INTS10: variants seen among roughly 807,000 people sequenced by gnomAD.
INTS10 encodes the protein chromosome 8 open reading frame 35.
Under a neutral mutation model 94.4 loss-of-function variants are expected in INTS10, and 44 were observed. That is an observed-to-expected ratio of 0.47 (90% CI 0.37 to 0.60). The LOEUF (loss-of-function observed/expected upper bound fraction) is 0.60, where lower values mean the gene tolerates loss of function less well. Among genes scored for constraint, INTS10 ranks in the 20% least tolerant of loss-of-function variants. The pLI is 0.00. For missense variants in INTS10, 797 were observed against 868.7 expected (o/e 0.92, Z 1.04); for synonymous variants, 341 against 320.7 (o/e 1.06, Z -0.68).
chr8:19,843,071 C>T lies in INTS10; in HGVS notation c.1719+144C>T, dbSNP rs2068268488. On this transcript the variant is annotated intron_variant, in intron 14 of 16. Transcript: ENST00000397977. This position sits in a 1 kb window ranked among gnomAD's most constrained non-coding sequence, Gnocchi z 4.7. ...AACAGTTAGAAAAGCACATGGGCTACTAATTAACAAATCTATATTAAATAA... is the reference window on the plus strand; with the variant it reads ...AACAGTTAGAAAAGCACATGGGCTATTAATTAACAAATCTATATTAAATAA... 1 of 612,182 alleles carries T rather than the reference C, an allele frequency of 1.6e-6. No homozygotes were observed. The highest frequency in any genetic ancestry group is 2.7e-5 in the East Asian group (1 of 36,402). 37.9% of individuals were successfully genotyped at this position (612,182 alleles called of 1,614,324 possible).
Position 19,849,237 on chromosome 8 carries a change from C to A in INTS10, c.1977-2412C>A. The A allele has an allele frequency of 7.8e-7, 1 of 1,287,952 alleles. No individual in the cohort carries two copies. The highest frequency in any genetic ancestry group is 1.0e-6 in the Non-Finnish European group (1 of 987,290). 79.8% of individuals were successfully genotyped at this position (1,287,952 alleles called of 1,614,324 possible). A position where few individuals can be genotyped will look rare whatever the true frequency, so the allele number is the denominator to read the frequency against. On this transcript the variant is annotated intron_variant, in intron 16 of 16. Coordinates refer to ENST00000397977, the MANE Select transcript of INTS10 (RefSeq NM_018142.4). This position sits in a 1 kb window ranked among gnomAD's most constrained non-coding sequence, Gnocchi z 4.6. ...TTCAGCCCAGCATACAGACTGCTGA[C>A]AGGTACCAAGTGGAATCAACGCCCG...
In INTS10 at chr8:19,824,850, T is replaced by G; in HGVS notation, c.884T>G (p.Met295Arg). Residue 295 changes from methionine to arginine, a missense_variant, in exon 8 of 17, where the codon ATG (methionine) becomes AGG (arginine). Transcript: ENST00000397977. ...AGAATGAAGGATCTCTGCAGATACA[T>G]GAACAACTTTGATAGTGAAGCACAT... The part of the protein sequence containing the change: ...LHRMKDLCRY[M>R]NNFDSEAHAK... The G allele has an allele frequency of 6.2e-7, 1 of 1,612,910 alleles. No homozygotes were observed. Among genetic ancestry groups the G allele is most frequent in the African/African-American group, 1.3e-5 (1 of 75,040 alleles).
At chr8:19,821,502 G>A (rs1434823293) in intron 4 of INTS10, 1 of 152,194 alleles carries the variant, frequency 6.6e-6, no homozygotes, top group Non-Finnish European at 1.5e-5. Context: ...AGGCAGCAGT[G>A]CAGTGGCATG....
chr8:19,837,781 G>C (rs974329489), intron 13 of INTS10, among the ~76,000 whole-genome samples: 5 of 151,234 alleles, frequency 3.3e-5, no homozygotes, highest in African/African-American at 1.2e-4. Flanking sequence ...CAATGAAATA[G>C]AAAACAAAAT....
rs1309070386 is a variant in INTS10, at chr8:19,823,445, A to T, written c.664+4A>T. The T allele has an allele frequency of 6.3e-7, 1 of 1,584,760 alleles. No individual in the cohort carries two copies. The highest frequency in any genetic ancestry group is 1.1e-5 in the South Asian group (1 of 90,310). ...CAAATAGAAAATCAGCATCAAGGTA[A>T]GTAGGAATACCCTGTACTTTTACTT... On this transcript the variant is annotated splice_donor_region_variant and intron_variant, in intron 6 of 16. Transcript: ENST00000397977.
At chr8:19,819,281 G>T (rs1046633467) in intron 2 of INTS10, among the ~76,000 whole-genome samples, 2 of 152,100 alleles carry the variant, frequency 1.3e-5, no homozygotes, top group African/African-American at 4.8e-5. Context: ...ATTTGCCTTT[G>T]CCTATTTTTT....
In INTS10 at chr8:19,843,879, G is replaced by T. The variant is rs2068344294; in HGVS notation, c.1720-197G>T. ...GCAGAGGGAGCCTGAGGCTTCTTTGGTTAGAATCCACCCTCCTTAGAAGGC... is the reference window on the plus strand; with the variant it reads ...GCAGAGGGAGCCTGAGGCTTCTTTGTTTAGAATCCACCCTCCTTAGAAGGC... On this transcript the variant is annotated intron_variant, in intron 14 of 16. Coordinates refer to ENST00000397977, the MANE Select transcript of INTS10 (RefSeq NM_018142.4). This position sits in a 1 kb window ranked among gnomAD's most constrained non-coding sequence, Gnocchi z 4.7. Among the ~76,000 whole-genome samples the T allele has an allele frequency of 6.6e-6, 1 of 152,180 alleles. No individual in the cohort carries two copies. The highest frequency in any genetic ancestry group is 1.5e-5 in the Non-Finnish European group (1 of 68,028).
In INTS10 at chr8:19,833,195, C is replaced by A; in HGVS notation, c.1404C>A (p.Ser468Arg). The change falls in exon 12 of 17, where the codon AGC (serine) becomes AGA (arginine). Residue 468 changes from serine to arginine, a missense_variant. By Grantham distance (110) the Ser-to-Arg change is moderately radical (BLOSUM62 -1). This residue lies in a region of INTS10 where 734 missense variants were observed against 787.8 expected (regional missense o/e 0.93). Transcript: ENST00000397977. ...YQGQYKKAIA[S>R]LHHLAALQGS... ...GTCAATATAAAAAGGCGATAGCCAG[C>A]CTGCATCACTTAGCAGCTCTCCAGG... The A allele has an allele frequency of 6.2e-7, 1 of 1,608,904 alleles. No individual in the cohort carries two copies. Among genetic ancestry groups the A allele is most frequent in the Non-Finnish European group, 8.5e-7 (1 of 1,178,030 alleles).
chr8:19,833,384 C>T, intron 12 of INTS10, 63 bp downstream of exon 12: 2 of 1,298,050 alleles, frequency 1.5e-6, no homozygotes, highest in Non-Finnish European at 2.0e-6. Flanking sequence ...TTTCTCCTTT[C>T]CCTAGCGTGG....
intron 6 of INTS10, 40 bp downstream of exon 6, chr8:19,823,481 T>C (rs536671129): frequency 2.2e-6 from 3 of 1,378,092 alleles, no homozygotes; most frequent in East Asian, 2.3e-5. Context: ...AAATAGGCTT[T>C]AGTAATATTG....
chr8:19,842,475 G>A (rs2068205974), intron 13 of INTS10, among the ~76,000 whole-genome samples: 1 of 152,140 alleles, frequency 6.6e-6, no homozygotes, highest in African/African-American at 2.4e-5. Flanking sequence ...TACACAATAG[G>A]CTTTAACTGA....
At chr8:19,839,052 A>G (rs1056166816) in intron 13 of INTS10, among the ~76,000 whole-genome samples, 1 of 152,084 alleles carries the variant, frequency 6.6e-6, no homozygotes, top group Admixed American at 6.5e-5. Context: ...AGCCTGGGCG[A>G]CAGAGTGAGA....
chr8:19,822,356 T>TA (rs879121404), intron 4 of INTS10, 83 bp from the exon 5 acceptor site: 82 of 723,918 alleles, frequency 1.1e-4, no homozygotes, highest in South Asian at 4.4e-4. Context: ...CTGTGATAAG[T>TA]AAAAAAAATA....
In INTS10 at chr8:19,818,298, G is replaced by A; in HGVS notation, c.153G>A (p.Arg51=). Residue 51 remains arginine, a synonymous_variant, in exon 2 of 17, where the codon CGG becomes CGA. Coordinates refer to ENST00000397977, the MANE Select transcript of INTS10 (RefSeq NM_018142.4). The part of the protein sequence containing the change: ...NIQYEMYTIE[R]NAERTATAGR... ...AGTATGAGATGTACACCATCGAGCG[G>A]AATGCAGAGCGGACCGCCACCGCCG... 1.2e-6 allele frequency: 2 copies of A among 1,614,170 alleles called. No homozygotes were observed. The highest frequency in any genetic ancestry group is 8.5e-7 in the Non-Finnish European group (1 of 1,180,044).
chr8:19,831,735 G>C (rs1040473327), intron 10 of INTS10, among the ~76,000 whole-genome samples: 1 of 152,114 alleles, frequency 6.6e-6, no homozygotes, highest in African/African-American at 2.4e-5. Flanking sequence ...GGAAAGCAAA[G>C]TGGCTTAAAA....
chr8:19,840,475 C>G (rs1279650463), intron 13 of INTS10, among the ~76,000 whole-genome samples: 2 of 152,038 alleles, frequency 1.3e-5, no homozygotes, highest in Non-Finnish European at 2.9e-5. Context: ...ATTACATAAT[C>G]TAGAATAGTC....
At chr8:19,841,495 T>C (rs189466473) in intron 13 of INTS10, among the ~76,000 whole-genome samples, 297 of 152,076 alleles carry the variant, frequency 2.0e-3, no homozygotes, top group Non-Finnish European at 3.2e-3. Flanking sequence ...CATAGAAAAA[T>C]AGGCAAAGGA....
At chr8:19,845,342 A>C in intron 15 of INTS10, 1 of 171,346 alleles carries the variant, frequency 5.8e-6, no homozygotes, top group Non-Finnish European at 1.3e-5. Flanking sequence ...AGAAAACAAA[A>C]AAATTTTGCT....
At chr8:19,825,080 C>G (rs971151320) in intron 8 of INTS10, 108 bp downstream of exon 8, 1 of 932,806 alleles carries the variant, frequency 1.1e-6, no homozygotes, top group African/African-American at 1.7e-5. Flanking sequence ...AACTGTGGGG[C>G]AGTACCAGTC....
Sources: allele counts gnomAD v4.1 joint callset (sites outside exome capture counted in the v4.1 genomes callset), GRCh38; gene constraint gnomAD v4.1.1; regional missense constraint gnomAD v4.1.1; non-coding constraint Gnocchi (gnomAD v3.1); transcripts MANE v1.5; gene names NCBI Gene and HGNC (gene_info 2026-07-23, HGNC 2026-07-21).